PDCD6IP: variants seen among roughly 807,000 people sequenced by gnomAD.
PDCD6IP encodes the protein programmed cell death 6-interacting protein.
Under a neutral mutation model 103.7 loss-of-function variants are expected in PDCD6IP, and 43 were observed. That is an observed-to-expected ratio of 0.41 (90% CI 0.32 to 0.53). The LOEUF is 0.53. Ranked by LOEUF, PDCD6IP falls within the 20% of genes least tolerant of loss-of-function variation. The pLI is 0.16. For missense variants in PDCD6IP, 871 were observed against 1,036.7 expected, an observed-to-expected ratio of 0.84 and a Z score of 2.20; for synonymous variants, 354 against 378.7, an observed-to-expected ratio of 0.93 and a Z score of 0.76.
At chr3:33,814,669 GTA>G (rs916969090) in intron 3 of PDCD6IP, among the ~76,000 whole-genome samples, 4 of 135,900 alleles carry the variant, frequency 2.9e-5, no homozygotes, top group Non-Finnish European at 4.6e-5. Flanking sequence ...ATGCATGTAT[GTA>G]TATATGTGTA....
At chr3:33,825,033 G>A (rs1697085789) in intron 4 of PDCD6IP, among the ~76,000 whole-genome samples, 154 bp from the exon 5 acceptor site, 1 of 152,126 alleles carries the variant, frequency 6.6e-6, no homozygotes, top group South Asian at 2.1e-4. Flanking sequence ...CTTATTGTCT[G>A]TAGGTCAGAT....
intron 1 of PDCD6IP, chr3:33,799,179 G>T: frequency 1.8e-6 from 1 of 561,712 alleles, no homozygotes; most frequent in Non-Finnish European, 3.2e-6. Context: ...CGAGGGCTCC[G>T]TGGATCAGAT....
chr3:33,841,151 C>T (rs1697460686), intron 9 of PDCD6IP, among the ~76,000 whole-genome samples: 1 of 151,652 alleles, frequency 6.6e-6, no homozygotes, highest in African/African-American at 2.4e-5. Flanking sequence ...CCTCAGCCTC[C>T]CAAGTAGCTG....
Position 33,825,242 on chromosome 3 carries a change from G to C in PDCD6IP, c.518G>C (p.Arg173Pro). Residue 173 changes from arginine (R) to proline (P), a missense_variant, in exon 5 of 18, where the codon CGA becomes CCA. By Grantham distance (103) the Arg-to-Pro change is moderately radical. Coordinates refer to ENST00000307296, the MANE Select transcript of PDCD6IP (RefSeq NM_013374.6). ...IKETVLSALS[R>P]EPTVDISPDT... ...GAGACGGTTTTATCTGCCTTAAGTC[G>C]AGAGCCGACCGTGGACATATCTCCA... The C allele has an allele frequency of 1.2e-6, 2 of 1,613,476 alleles. No individual in the cohort carries two copies. Among genetic ancestry groups the C allele is most frequent in the South Asian group, 1.1e-5 (1 of 90,992 alleles).
In PDCD6IP at chr3:33,833,933, T is replaced by C. The variant is rs534304143; in HGVS notation, c.835-2111T>C. 2.7e-5 allele frequency among the ~76,000 whole-genome samples: 4 copies of C among 148,210 alleles called. No homozygotes were observed. In the South Asian group the frequency reaches 8.4e-4, roughly 31 times the overall value. ...GTCCACTTCTCTGGCTCTTAAAGCC[T>C]ACCCTGGATTAGGAAGAATCCCACT... On this transcript the variant is annotated intron_variant, in intron 7 of 17. Transcript: ENST00000307296.
intron 3 of PDCD6IP, among the ~76,000 whole-genome samples, chr3:33,816,387 C>T (rs1696851243): frequency 6.6e-6 from 1 of 151,664 alleles, no homozygotes; most frequent in African/African-American, 2.4e-5. Flanking sequence ...GCCTTGTAAT[C>T]CCAGCTACTC....
intron 9 of PDCD6IP, among the ~76,000 whole-genome samples, chr3:33,839,410 TG>T (rs1404355301): frequency 6.6e-6 from 1 of 152,256 alleles, no homozygotes; most frequent in East Asian, 1.9e-4. Flanking sequence ...CTATATTATG[TG>T]TATCAGTTTC....
At chr3:33,865,519 A>G (rs1312001958) in intron 17 of PDCD6IP, 89 bp downstream of exon 17, 2 of 1,035,740 alleles carry the variant, frequency 1.9e-6, no homozygotes, top group Non-Finnish European at 2.7e-6. Context: ...TCCCTTCTCC[A>G]AATGGAGGTG....
intron 12 of PDCD6IP, 76 bp from the exon 13 acceptor site, chr3:33,852,412 T>G: frequency 6.8e-7 from 1 of 1,473,558 alleles, no homozygotes; most frequent in Non-Finnish European, 9.0e-7. Flanking sequence ...TGAACCTTTA[T>G]ATATTATTTC....
At chr3:33,813,868 T>C (rs1261429915) in intron 3 of PDCD6IP, among the ~76,000 whole-genome samples, 1 of 152,202 alleles carries the variant, frequency 6.6e-6, no homozygotes, top group Non-Finnish European at 1.5e-5. Context: ...TTTGGGAAGA[T>C]AGTTGATCAT....
chr3:33,841,294 C>T (rs1697464319), intron 9 of PDCD6IP, among the ~76,000 whole-genome samples: 1 of 151,906 alleles, frequency 6.6e-6, no homozygotes, highest in African/African-American at 2.4e-5. Flanking sequence ...TCCCAAAGTG[C>T]TGGGATTACA....
chr3:33,851,361 G>A (rs1697709088), intron 12 of PDCD6IP, among the ~76,000 whole-genome samples: 1 of 152,082 alleles, frequency 6.6e-6, no homozygotes, highest in African/African-American at 2.4e-5. Context: ...CAGCTTGAAA[G>A]TGCTCATTAG....
chr3:33,825,694 A>C (rs1214404785), intron 5 of PDCD6IP, among the ~76,000 whole-genome samples: 1 of 152,242 alleles, frequency 6.6e-6, no homozygotes, highest in East Asian at 1.9e-4. Context: ...CGGAGTTAGA[A>C]AACAACTTAG....
intron 9 of PDCD6IP, among the ~76,000 whole-genome samples, chr3:33,839,139 T>C (rs1697414867): frequency 6.6e-6 from 1 of 152,198 alleles, no homozygotes; most frequent in African/African-American, 2.4e-5. Flanking sequence ...TATGTACCCA[T>C]GTAACCGGCA....
chr3:33,842,155 C>T (rs1212448334), intron 10 of PDCD6IP, 81 bp downstream of exon 10: 48 of 904,424 alleles, frequency 5.3e-5, no homozygotes, highest in Non-Finnish European at 7.8e-5. Context: ...TGGAGACTTC[C>T]TCATGCTAGT....
At chr3:33,804,069 G>A (rs1696538170) in intron 1 of PDCD6IP, among the ~76,000 whole-genome samples, 1 of 152,194 alleles carries the variant, frequency 6.6e-6, no homozygotes, top group Admixed American at 6.5e-5. Context: ...TTGTTGGTTT[G>A]GTGGTGAACA....
In PDCD6IP at chr3:33,826,415, T is replaced by C. The variant is rs1697124669; in HGVS notation, c.617-65T>C. ...GTGTACAAACTTGTGACCTCAGTGT[T>C]TATACTGAGACATGTCAGATTAGCT... On this transcript the variant is annotated intron_variant, in intron 5 of 17. Coordinates refer to ENST00000307296, the MANE Select transcript of PDCD6IP (RefSeq NM_013374.6). The C allele has an allele frequency of 3.6e-6, 4 of 1,126,110 alleles. No homozygotes were observed. The South Asian group carries it at 6.0e-5, about 17-fold the overall frequency. 69.8% of individuals were successfully genotyped at this position (1,126,110 alleles called of 1,614,324 possible). A position where few individuals can be genotyped will look rare whatever the true frequency, so the allele number is the denominator to read the frequency against.
At chr3:33,842,648 GT>G (rs1355748026) in intron 10 of PDCD6IP, among the ~76,000 whole-genome samples, 1 of 151,994 alleles carries the variant, frequency 6.6e-6, no homozygotes, top group East Asian at 1.9e-4. Flanking sequence ...TTAAAAAATA[GT>G]TTCAGATTTA....
chr3:33,854,111 T>C (rs1017243604), intron 14 of PDCD6IP, 98 bp downstream of exon 14: 2 of 1,364,262 alleles, frequency 1.5e-6, no homozygotes, highest in African/African-American at 3.1e-5. Context: ...CAAATTGCTC[T>C]TTGCCTAGAA....
Sources: allele counts gnomAD v4.1 joint callset (sites outside exome capture counted in the v4.1 genomes callset), GRCh38; gene constraint gnomAD v4.1.1; transcripts MANE v1.5; gene names NCBI Gene and HGNC (gene_info 2026-07-23, HGNC 2026-07-21).